The following MUC5B variants were observed in gnomAD, a reference collection of about 807,000 sequenced individuals.
MUC5B encodes the protein mucin-5B.
A neutral mutation model predicts 376.9 loss-of-function variants in MUC5B; 116 were observed. The ratio of observed to expected loss-of-function variants is 0.31; its 90% CI spans 0.26 to 0.36. The LOEUF (loss-of-function observed/expected upper bound fraction) is 0.36. MUC5B is among the 10% of genes least tolerant of loss of function. The probability of loss-of-function intolerance (pLI) is 1.00; values close to 1 mark genes in which losing one functional copy is unlikely to be tolerated. For missense variants in MUC5B, 7,165 were observed against 7,769.9 expected (o/e 0.92, Z 2.93); for synonymous variants, 3,517 against 3,390.9 (o/e 1.04, Z -1.29).
Position 1,234,725 on chromosome 11 carries a change from G to A in MUC5B, c.2630+45G>A, listed in dbSNP as rs1463584871. Reference sequence around the variant, plus strand: ...GAGGCAGCAGGTGGGGAGGGCGGGGGCGGGGAGGGCAGCGGGTGGGGAGGC... The same window carrying A: ...GAGGCAGCAGGTGGGGAGGGCGGGGACGGGGAGGGCAGCGGGTGGGGAGGC... On this transcript the variant is annotated intron_variant, in intron 21 of 48. Transcript: ENST00000529681. The surrounding 1 kb of genome is among the most constrained non-coding windows in gnomAD (Gnocchi z 6.3). The A allele has an allele frequency of 1.2e-5, 12 of 1,008,374 alleles. No individual in the cohort carries two copies. The Admixed American group carries it at 2.5e-4, about 21-fold the overall frequency. 62.5% of individuals were successfully genotyped at this position (1,008,374 alleles called of 1,614,324 possible).
In MUC5B at chr11:1,229,155, C is replaced by T; in HGVS notation, c.977-15C>T. 1 of 1,574,148 alleles carries T rather than the reference C, an allele frequency of 6.4e-7. No individual in the cohort carries two copies. Among genetic ancestry groups the T allele is most frequent in the Non-Finnish European group, 8.6e-7 (1 of 1,165,008 alleles). On this transcript the variant is annotated splice_polypyrimidine_tract_variant and intron_variant, in intron 8 of 48. Coordinates refer to ENST00000529681, the MANE Select transcript of MUC5B (RefSeq NM_002458.3). Reference sequence around the variant, plus strand: ...GGGCCCTTCCCCTGGCCCAGCCCCACCTCCTTTTGCGCAGCCCGGACCTGC... The same window carrying T: ...GGGCCCTTCCCCTGGCCCAGCCCCATCTCCTTTTGCGCAGCCCGGACCTGC...
rs757438253 is a variant in MUC5B, at chr11:1,250,190, C to T, written c.13310C>T (p.Thr4437Met). 184 of 1,609,360 alleles carry T rather than the reference C, an allele frequency of 1.1e-4. 2 individuals are homozygous for T. Among genetic ancestry groups the T allele is most frequent in the Admixed American group, 3.3e-4 (20 of 59,956 alleles). ...TATTTASTGS[T>M]ATPSSTPGTT... ...ACTACGACTGCGTCCACTGGATCCA[C>T]GGCCACCCCGTCCTCCACCCCAGGG... The change falls in exon 31 of 49, where the codon ACG becomes ATG. Residue 4437 changes from threonine to methionine, a missense_variant. Around this residue, in one of 31 missense-constraint regions of MUC5B, gnomAD observed 431 missense variants for 390.4 expected, o/e 1.10. Transcript: ENST00000529681.
chr11:1,256,797 T>C (rs1255629401), intron 39 of MUC5B, 26 bp downstream of exon 39: 5 of 1,503,088 alleles, frequency 3.3e-6, no homozygotes, highest in Admixed American at 4.7e-5. Context: ...TGTGGCGGGA[T>C]ACGACCCTGG....
Position 1,258,918 on chromosome 11 carries a change from G to C in MUC5B, c.16594-24G>C, listed in dbSNP as rs1862920147. 1 of 1,549,976 alleles carries C rather than the reference G, an allele frequency of 6.5e-7. No individual in the cohort carries two copies. The highest frequency in any genetic ancestry group is 8.7e-7 in the Non-Finnish European group (1 of 1,146,916). On this transcript the variant is annotated intron_variant, in intron 43 of 48. Transcript: ENST00000529681. This position sits in a 1 kb window ranked among gnomAD's most constrained non-coding sequence, Gnocchi z 5.5. ...CCCTGTTGCCCCACCAGTGCCCTCAGTGCCACCCTCCCACCCCTTGCAGGT... is the reference window on the plus strand; with the variant it reads ...CCCTGTTGCCCCACCAGTGCCCTCACTGCCACCCTCCCACCCCTTGCAGGT...
intron 46 of MUC5B, 81 bp downstream of exon 46, chr11:1,260,166 A>G (rs1004851093): frequency 1.3e-6 from 2 of 1,537,890 alleles, no homozygotes; most frequent in East Asian, 2.3e-5. Flanking sequence ...TGCCCTGCAC[A>G]GCAGGGAGGC....
At position 1,247,456 on chromosome 11, in the gene MUC5B, G is replaced by C. The variant is rs1222439030; in HGVS notation, c.10576G>C (p.Gly3526Arg). 1.2e-6 allele frequency: 2 copies of C among 1,608,816 alleles called. No individual in the cohort carries two copies. Among genetic ancestry groups the C allele is most frequent in the African/African-American group, 2.7e-5 (2 of 74,158 alleles). The change falls in exon 31 of 49, where the codon GGG becomes CGG. Residue 3526 changes from glycine to arginine, a missense_variant. By Grantham distance (125) the Gly-to-Arg change is moderately radical. Transcript: ENST00000529681. ...GACCACCGAGTCACCCCCTTCTCCA[G>C]GGACGACCACCCCGGGCCACACCAG... ...SRTTESPPSP[G>R]TTTPGHTRGT...
At chr11:1,223,683 G>A (rs1168720978) in intron 1 of MUC5B, among the ~76,000 whole-genome samples, 1 of 152,182 alleles carries the variant, frequency 6.6e-6, no homozygotes, top group Non-Finnish European at 1.5e-5. Context: ...TGCACAGCCA[G>A]CCGCAAGAGC....
In MUC5B at chr11:1,237,761, C is replaced by T. The variant is rs147273702; in HGVS notation, c.3297+597C>T. Among the ~76,000 whole-genome samples, 387 of 152,206 alleles carry T rather than the reference C, an allele frequency of 2.5e-3. 5 individuals carry two copies. The highest frequency in any genetic ancestry group is 8.9e-3 in the African/African-American group (369 of 41,524). On this transcript the variant is annotated intron_variant, in intron 25 of 48. Coordinates refer to ENST00000529681, the MANE Select transcript of MUC5B (RefSeq NM_002458.3). Reference sequence around the variant, plus strand: ...GTGTGTGCCTGTAATCCCAGCTACTCGGGAGGCTGAGGCAGGAGAATCACT... The same window carrying T: ...GTGTGTGCCTGTAATCCCAGCTACTTGGGAGGCTGAGGCAGGAGAATCACT...
intron 14 of MUC5B, 114 bp from the exon 15 acceptor site, chr11:1,231,882 C>A: frequency 7.0e-7 from 1 of 1,425,278 alleles, no homozygotes; most frequent in South Asian, 1.3e-5. Flanking sequence ...GAGCAGAATC[C>A]TGGGACAGGG....
chr11:1,248,435 C>T lies in MUC5B; in HGVS notation c.11555C>T (p.Thr3852Ile), dbSNP rs763827871. ...TTTRATGSVA[T>I]PSSTPGTAHT... ...ACCAGGGCCACCGGCTCTGTGGCCA[C>T]CCCCTCTTCCACCCCAGGAACAGCT... Residue 3852 changes from threonine to isoleucine, a missense_variant, in exon 31 of 49, where the codon ACC becomes ATC. This residue lies in a region of MUC5B where 242 missense variants were observed against 199.0 expected (regional missense o/e 1.22). Coordinates refer to ENST00000529681, the MANE Select transcript of MUC5B (RefSeq NM_002458.3). 3.7e-6 allele frequency: 6 copies of T among 1,610,040 alleles called. No homozygotes were observed. The highest frequency in any genetic ancestry group is 1.7e-5 in the Admixed American group (1 of 59,832).
intron 46 of MUC5B, 128 bp downstream of exon 46, chr11:1,260,213 A>G: frequency 2.9e-6 from 4 of 1,386,060 alleles, no homozygotes; most frequent in South Asian, 1.3e-5. Context: ...CCTGCCTGGG[A>G]AGCCCCACCC....
At chr11:1,235,719 C>T (rs1423675411) in intron 23 of MUC5B, among the ~76,000 whole-genome samples, 1 of 152,140 alleles carries the variant, frequency 6.6e-6, no homozygotes, top group Non-Finnish European at 1.5e-5. Flanking sequence ...CCTGTGGCCT[C>T]CCGCTGTGTC....
Position 1,236,981 on chromosome 11 carries a change from C to G in MUC5B, c.3114C>G (p.Ala1038=). 2 of 1,555,082 alleles carry G rather than the reference C, an allele frequency of 1.3e-6. No homozygotes were observed. The highest frequency in any genetic ancestry group is 1.7e-6 in the Non-Finnish European group (2 of 1,147,884). Residue 1038 remains alanine (A), a synonymous_variant, in exon 25 of 49, where the codon GCC becomes GCG. Transcript: ENST00000529681. ...NFDDNAINDF[A]TRSRSVVGDA... is the part of the protein sequence containing the mutation. ...ACGACAATGCCATCAATGACTTTGC[C>G]ACGCGTAGCCGGTCCGTGGTGGGGG...
In MUC5B at chr11:1,249,991, A is replaced by G. The variant is rs754435351; in HGVS notation, c.13111A>G (p.Thr4371Ala). The G allele has an allele frequency of 5.8e-6, 8 of 1,379,084 alleles. No homozygotes were observed. In the East Asian group the frequency reaches 8.2e-5, roughly 14 times the overall value. 85.4% of individuals were successfully genotyped at this position (1,379,084 alleles called of 1,614,324 possible). ...HTSTVLTTKATTTRATSSTST... is the reference protein window; with the variant it reads ...HTSTVLTTKAATTRATSSTST... ...CTCCACAGTGCTGACCACGAAGGCC[A>G]CCACGACAAGGGCCACCAGTTCCAC... is the stretch of plus-strand genomic sequence containing the variant. Residue 4371 changes from threonine (T) to alanine (A), a missense_variant, in exon 31 of 49, where the codon ACC becomes GCC. Thr to Ala is a moderately conservative substitution (Grantham distance 58, BLOSUM62 0). This residue lies in a region of MUC5B where 431 missense variants were observed against 390.4 expected (regional missense o/e 1.10). Coordinates refer to ENST00000529681, the MANE Select transcript of MUC5B (RefSeq NM_002458.3).
In MUC5B at chr11:1,247,285, A is replaced by G; in HGVS notation, c.10405A>G (p.Thr3469Ala). 6.2e-7 allele frequency: 1 copy of G among 1,611,734 alleles called. No individual in the cohort carries two copies. Among genetic ancestry groups the G allele is most frequent in the Non-Finnish European group, 8.5e-7 (1 of 1,179,510 alleles). Reference protein sequence around the residue: ...LPPSSPHTVRTAWTSATSGIL... With the variant: ...LPPSSPHTVRAAWTSATSGIL... ...CCCCAGCAGTCCCCACACGGTGCGC[A>G]CAGCCTGGACTTCGGCCACCTCGGG... Residue 3469 changes from threonine (T) to alanine (A), a missense_variant, in exon 31 of 49, where the codon ACA becomes GCA. Transcript: ENST00000529681.
In MUC5B at chr11:1,243,852, G is replaced by A. The variant is rs1319709733; in HGVS notation, c.6972G>A (p.Leu2324=). The A allele has an allele frequency of 3.1e-6, 5 of 1,611,318 alleles. No homozygotes were observed. The highest frequency in any genetic ancestry group is 1.7e-6 in the Non-Finnish European group (2 of 1,179,534). ...CEPQCAWSEW[L]DYSYPMPGPS... ...CCCAGTGTGCCTGGTCAGAGTGGCTGGACTACAGCTACCCCATGCCGGGGC... is the reference window on the plus strand; with the variant it reads ...CCCAGTGTGCCTGGTCAGAGTGGCTAGACTACAGCTACCCCATGCCGGGGC... Residue 2324 remains leucine (L), a synonymous_variant, in exon 31 of 49, where the codon CTG becomes CTA. Transcript: ENST00000529681.
At position 1,257,142 on chromosome 11, in the gene MUC5B, G is replaced by A. The variant is rs532680877; in HGVS notation, c.16238-98G>A. ...TTCTCCAGGGCCTTCCATCCCGGGG[G>A]GAAGCAGGCTCCAGGCCTGAGAGCA... On this transcript the variant is annotated intron_variant, in intron 39 of 48. Coordinates refer to ENST00000529681, the MANE Select transcript of MUC5B (RefSeq NM_002458.3). This position sits in a 1 kb window ranked among gnomAD's most constrained non-coding sequence, Gnocchi z 8.9. The A allele has an allele frequency of 2.9e-4, 220 of 763,160 alleles. 3 individuals carry two copies. In the African/African-American group the frequency reaches 3.3e-3, roughly 11 times the overall value. 47.3% of individuals were successfully genotyped at this position (763,160 alleles called of 1,614,324 possible).
rs1590185244 is a variant in MUC5B at position 1,248,380 on chromosome 11, T to C, written c.11500T>C (p.Ser3834Pro). The part of the protein sequence containing the change: ...PSSTPETAHT[S>P]TVLTTTATTT... The stretch of plus-strand genomic sequence containing the variant: ...CTCCACTCCAGAGACTGCCCACACC[T>C]CCACAGTGCTTACCACCACGGCCAC... The change falls in exon 31 of 49, where the codon TCC becomes CCC. Residue 3834 changes from serine to proline, a missense_variant. Physicochemically the swap from Ser to Pro is moderately conservative, Grantham distance 74. Around this residue, in one of 31 missense-constraint regions of MUC5B, gnomAD observed 242 missense variants for 199.0 expected, o/e 1.22. Coordinates refer to ENST00000529681, the MANE Select transcript of MUC5B (RefSeq NM_002458.3). The C allele has an allele frequency of 1.9e-6, 3 of 1,605,088 alleles. No homozygotes were observed. The highest frequency in any genetic ancestry group is 2.8e-5 in the African/African-American group (2 of 71,788).
In MUC5B at chr11:1,233,137, C is replaced by T. The variant is rs373140241; in HGVS notation, c.2190C>T (p.Asp730=). 7.2e-5 allele frequency: 115 copies of T among 1,607,084 alleles called. 1 individual carries two copies. Among genetic ancestry groups the T allele is most frequent in the African/African-American group, 2.7e-4 (20 of 74,928 alleles). ...GCAGCGTTTCCTTCGTGCCTGTGGA[C>T]GGCTGCACCTGCCCCGCGGGCACCT... The part of the protein sequence containing the change: ...VTCSVSFVPV[D]GCTCPAGTFL... Residue 730 remains aspartate, a synonymous_variant, in exon 18 of 49, where the codon GAC becomes GAT. Transcript: ENST00000529681.
Sources: gnomAD v4.1 joint callset for allele counts (sites outside exome capture counted in the v4.1 genomes callset) on GRCh38, gnomAD v4.1.1 for gene constraint, gnomAD v4.1.1 regional missense constraint, Gnocchi (gnomAD v3.1) non-coding constraint, MANE v1.5 for transcripts, NCBI Gene and HGNC (gene_info 2026-07-23, HGNC 2026-07-21) for gene names.